ADCY9: variants seen among roughly 807,000 people sequenced by gnomAD.
ADCY9 encodes the protein adenylate cyclase 9, also known as adenylate cyclase type 9.
In ADCY9, 50 loss-of-function variants were observed where a neutral mutation model predicts 101.5. That is an observed-to-expected ratio of 0.49 (90% CI 0.39 to 0.62). The LOEUF is 0.62. ADCY9 is among the 20% of genes least tolerant of loss of function. The probability of loss-of-function intolerance (pLI) is 0.00; values close to 1 mark genes in which losing one functional copy is unlikely to be tolerated. For synonymous variants in ADCY9, 905 were observed against 769.3 expected (o/e 1.18, Z -2.92); for missense variants, 1,662 against 1,800.4 (o/e 0.92, Z 1.39).
At chr16:3,983,642 CA>C (rs767437558) in intron 6 of ADCY9, 142 of 572,078 alleles carry the variant, frequency 2.5e-4, no homozygotes, top group Middle Eastern at 9.3e-4. Flanking sequence ...TAAACTTGCC[CA>C]GGGGGCTGGG....
chr16:3,956,994 C>G (rs1215326758), intron 5 of ADCY9, among the ~76,000 whole-genome samples: 2 of 152,134 alleles, frequency 1.3e-5, no homozygotes, highest in African/African-American at 4.8e-5. Context: ...AGCAATGAAT[C>G]TTATGAAAAG....
intron 6 of ADCY9, 52 bp from the exon 7 acceptor site, chr16:3,983,492 G>A: frequency 6.7e-7 from 1 of 1,484,778 alleles, no homozygotes; most frequent in Non-Finnish European, 9.2e-7. Flanking sequence ...GGGCGGCCAG[G>A]AGCGCAGTTC....
chr16:4,028,436 T>C (rs1290688192), intron 2 of ADCY9, among the ~76,000 whole-genome samples: 11 of 152,174 alleles, frequency 7.2e-5, no homozygotes, highest in Non-Finnish European at 1.5e-4. Flanking sequence ...ACCTAAATAC[T>C]TGATCTGTGC....
At chr16:4,070,246 A>G (rs1350087504) in intron 2 of ADCY9, among the ~76,000 whole-genome samples, 3 of 134,480 alleles carry the variant, frequency 2.2e-5, no homozygotes, top group Non-Finnish European at 3.4e-5. Context: ...CTTTATCGTT[A>G]TAATTTTCAC....
intron 2 of ADCY9, among the ~76,000 whole-genome samples, chr16:4,109,122 G>A (rs2141207814): frequency 6.6e-6 from 1 of 152,076 alleles, no homozygotes; most frequent in East Asian, 1.9e-4. Flanking sequence ...CCCATCTGCT[G>A]TATCCCCTTC....
chr16:3,999,363 C>T (rs2056314482), intron 3 of ADCY9, among the ~76,000 whole-genome samples: 1 of 152,200 alleles, frequency 6.6e-6, no homozygotes. Context: ...TGTATGATCT[C>T]GTCCTTTGCA....
intron 2 of ADCY9, among the ~76,000 whole-genome samples, chr16:4,072,283 C>T (rs184210716): frequency 2.6e-5 from 4 of 152,316 alleles, no homozygotes; most frequent in East Asian, 1.9e-4. Context: ...GTAGCTCCAT[C>T]GTGGATGCTA....
intron 2 of ADCY9, among the ~76,000 whole-genome samples, chr16:4,034,768 G>A (rs1198182095): frequency 6.6e-6 from 1 of 152,130 alleles, no homozygotes; most frequent in African/African-American, 2.4e-5. Context: ...GCACCCCATG[G>A]AATGAAGAAG....
At chr16:4,045,315 G>A (rs1351381570) in intron 2 of ADCY9, among the ~76,000 whole-genome samples, 2 of 151,960 alleles carry the variant, frequency 1.3e-5, no homozygotes, top group African/African-American at 2.4e-5. Context: ...AGCCAAACGC[G>A]GCTGGGCACG....
At chr16:4,090,397 T>A (rs964715350) in intron 2 of ADCY9, among the ~76,000 whole-genome samples, 1 of 152,182 alleles carries the variant, frequency 6.6e-6, no homozygotes, top group Non-Finnish European at 1.5e-5. Flanking sequence ...TTTCTTGTTT[T>A]AACAACATGA....
intron 9 of ADCY9, 126 bp downstream of exon 9, chr16:3,977,356 T>C: frequency 8.0e-7 from 1 of 1,244,860 alleles, no homozygotes; most frequent in East Asian, 2.6e-5. Flanking sequence ...ACAGCTATTT[T>C]GGGTCATGAT....
Position 3,977,522 on chromosome 16 carries a change from C to T in ADCY9, c.2788G>A (p.Gly930Arg), listed in dbSNP as rs1214446616. 8 of 1,589,760 alleles carry T rather than the reference C, an allele frequency of 5.0e-6. No individual in the cohort carries two copies. The highest frequency in any genetic ancestry group is 2.3e-5 in the East Asian group (1 of 43,790). The change falls in exon 9 of 11, where the codon GGG becomes AGG. Residue 930 changes from glycine to arginine, a missense_variant. Physicochemically the swap from Gly to Arg is moderately radical, Grantham distance 125. Around this residue, in one of 5 missense-constraint regions of ADCY9, gnomAD observed 624 missense variants for 639.1 expected, o/e 0.98. Transcript: ENST00000294016. ...GAGACGTAGAGCAGGAGCAGCGGCC[C>T]GGCCCCCACGACGGTGGCGAGGGAG... Reference protein sequence around the residue: ...RSSLATVVGAGPLLLLYVSLC... With the variant: ...RSSLATVVGARPLLLLYVSLC...
intron 6 of ADCY9, among the ~76,000 whole-genome samples, chr16:3,986,844 C>A (rs889790801): frequency 6.6e-6 from 1 of 152,208 alleles, no homozygotes; most frequent in African/African-American, 2.4e-5. Context: ...GATCCTCCTG[C>A]CTCAGCTTCC....
intron 2 of ADCY9, among the ~76,000 whole-genome samples, chr16:4,025,299 G>A (rs1456572200): frequency 6.6e-6 from 1 of 151,822 alleles, no homozygotes; most frequent in African/African-American, 2.4e-5. Context: ...CCTTGAACCC[G>A]GGAGGTGGAG....
At position 4,115,173 on chromosome 16, in the gene ADCY9, C is replaced by A; in HGVS notation, c.270G>T (p.Trp90Cys). Residue 90 changes from tryptophan to cysteine, a missense_variant, in exon 2 of 11, where the codon TGG becomes TGT. By Grantham distance (215) the Trp-to-Cys change is radical (BLOSUM62 -2). Around this residue, in one of 5 missense-constraint regions of ADCY9, gnomAD observed 422 missense variants for 392.0 expected, o/e 1.08. Transcript: ENST00000294016. The surrounding 1 kb of genome is among the most constrained non-coding windows in gnomAD (Gnocchi z 6.2). ...PQLFERASSR[W>C]WDPKFDSVNL... Reference sequence around the variant, plus strand: ...TCACCGAGTCGAACTTGGGGTCCCACCAGCGGCTGGAGGCCCTCTCGAACA... The same window carrying A: ...TCACCGAGTCGAACTTGGGGTCCCAACAGCGGCTGGAGGCCCTCTCGAACA... 1 of 1,613,834 alleles carries A rather than the reference C, an allele frequency of 6.2e-7. No homozygotes were observed. The highest frequency in any genetic ancestry group is 8.5e-7 in the Non-Finnish European group (1 of 1,180,006).
In ADCY9 at chr16:3,973,510, T is replaced by A. The variant is rs2056069592; in HGVS notation, c.2870+1159A>T. On this transcript the variant is annotated intron_variant, in intron 10 of 10. Coordinates refer to ENST00000294016, the MANE Select transcript of ADCY9 (RefSeq NM_001116.4). Reference sequence around the variant, plus strand: ...GCATGAGCCAACGTGCCTGGCCTTTTTTTTCTGAGACAGAGTCTTGCTGTG... The same window carrying A: ...GCATGAGCCAACGTGCCTGGCCTTTATTTTCTGAGACAGAGTCTTGCTGTG... Among the ~76,000 whole-genome samples, 4 of 151,838 alleles carry A rather than the reference T, an allele frequency of 2.6e-5. No homozygotes were observed. In the South Asian group the frequency reaches 8.3e-4, roughly 32 times the overall value.
intron 2 of ADCY9, among the ~76,000 whole-genome samples, chr16:4,020,978 A>G (rs2056472638): frequency 6.6e-6 from 1 of 152,214 alleles, no homozygotes; most frequent in African/African-American, 2.4e-5. Context: ...TCACAACTCT[A>G]ATTTAGAGCC....
intron 2 of ADCY9, among the ~76,000 whole-genome samples, chr16:4,020,632 G>A (rs574070873): frequency 9.2e-5 from 14 of 152,108 alleles, no homozygotes; most frequent in African/African-American, 3.4e-4. Flanking sequence ...GACCAGCCTG[G>A]CCAACAAGGT....
rs1567412866 is a variant in ADCY9 at position 3,966,308 on chromosome 16, T to C, written c.3529A>G (p.Ile1177Val). 1.9e-6 allele frequency: 3 copies of C among 1,614,012 alleles called. No individual in the cohort carries two copies. The highest frequency in any genetic ancestry group is 2.7e-5 in the African/African-American group (2 of 74,932). Reference sequence around the variant, plus strand: ...TCGTACAGCAGCTTGGTGGTGCCGATGACCCCGGCCGTGAGGGGCCCATGG... The same window carrying C: ...TCGTACAGCAGCTTGGTGGTGCCGACGACCCCGGCCGTGAGGGGCCCATGG... ...FNHGPLTAGV[I>V]GTTKLLYDIW... The change falls in exon 11 of 11, where the codon ATC (isoleucine) becomes GTC (valine). Residue 1177 changes from isoleucine (I) to valine (V), a missense_variant. Ile to Val is a conservative substitution (Grantham distance 29, BLOSUM62 3). Transcript: ENST00000294016.
Sources: gnomAD v4.1 joint callset for allele counts (sites outside exome capture counted in the v4.1 genomes callset) on GRCh38, gnomAD v4.1.1 for gene constraint, gnomAD v4.1.1 regional missense constraint, Gnocchi (gnomAD v3.1) non-coding constraint, MANE v1.5 for transcripts, NCBI Gene and HGNC (gene_info 2026-07-23, HGNC 2026-07-21) for gene names.